RBFOX1: variants seen among roughly 807,000 people sequenced by gnomAD.
The protein encoded by RBFOX1 is RNA binding protein fox-1 homolog 1.
In RBFOX1, 8 loss-of-function variants were observed where a neutral mutation model predicts 57.7. The observed-to-expected ratio is 0.14, with a 90% CI of 0.08 to 0.25. The LOEUF (loss-of-function observed/expected upper bound fraction) is 0.25. Ranked by LOEUF, RBFOX1 falls within the 10% of genes least tolerant of loss-of-function variation. The pLI is 1.00. For missense variants in RBFOX1, 611 were observed against 548.5 expected, an observed-to-expected ratio of 1.11 and a Z score of -1.14; for synonymous variants, 326 against 222.4, an observed-to-expected ratio of 1.47 and a Z score of -4.15.
intron 4 of RBFOX1, among the ~76,000 whole-genome samples, chr16:5,992,427 G>C (rs1183376582): frequency 2.6e-5 from 4 of 152,212 alleles, no homozygotes; most frequent in Non-Finnish European, 4.4e-5. Flanking sequence ...ACTCAGTACT[G>C]TGTAGAATGA....
chr16:6,924,336 G>A (rs929595910), intron 3 of RBFOX1, among the ~76,000 whole-genome samples: 1 of 151,966 alleles, frequency 6.6e-6, no homozygotes, highest in South Asian at 2.1e-4. Flanking sequence ...ATCATGGGAG[G>A]CATGTTGGGC....
intron 3 of RBFOX1, among the ~76,000 whole-genome samples, chr16:7,042,391 T>A (rs749688214): frequency 6.6e-6 from 1 of 152,174 alleles, no homozygotes; most frequent in Non-Finnish European, 1.5e-5. Context: ...ATCCAGATGG[T>A]AATTCCCTCT....
chr16:6,479,086 C>CTG (rs141581910), intron 2 of RBFOX1, among the ~76,000 whole-genome samples: 15 of 151,448 alleles, frequency 9.9e-5, no homozygotes, highest in Non-Finnish European at 1.5e-4. Flanking sequence ...TGAGGTATGC[C>CTG]TGTGTGTGTG....
chr16:7,131,939 A>C (rs531012914), intron 4 of RBFOX1, among the ~76,000 whole-genome samples: 1 of 151,964 alleles, frequency 6.6e-6, no homozygotes. Flanking sequence ...CTCACTGGCA[A>C]GTTAGAATCA....
chr16:5,615,339 T>C (rs568031201), intron 3 of RBFOX1, among the ~76,000 whole-genome samples: 24 of 152,346 alleles, frequency 1.6e-4, no homozygotes, highest in Non-Finnish European at 2.2e-4. Context: ...CAGCTGAGTT[T>C]TTTTGACAAG....
At chr16:5,643,627 C>T (rs931597794) in intron 3 of RBFOX1, among the ~76,000 whole-genome samples, 2 of 152,152 alleles carry the variant, frequency 1.3e-5, no homozygotes, top group Non-Finnish European at 2.9e-5. Flanking sequence ...CAGAGTCTTC[C>T]TGCAGCATTT....
chr16:7,224,976 C>A (rs1200535983), intron 4 of RBFOX1, among the ~76,000 whole-genome samples: 2 of 152,150 alleles, frequency 1.3e-5, no homozygotes, highest in Non-Finnish European at 2.9e-5. Context: ...CTTTATTGAG[C>A]CTCTGCTATG....
chr16:6,613,867 G>A (rs1420094652), intron 2 of RBFOX1, among the ~76,000 whole-genome samples: 2 of 152,156 alleles, frequency 1.3e-5, no homozygotes, highest in African/African-American at 4.8e-5. Context: ...GAATCTGGGA[G>A]GCAGAGGTTG....
At chr16:6,878,052 G>GAC (rs925189547) in intron 3 of RBFOX1, among the ~76,000 whole-genome samples, 22 of 152,284 alleles carry the variant, frequency 1.4e-4, no homozygotes, top group African/African-American at 4.8e-4. Context: ...GGAGCTGAAA[G>GAC]ACACACAAGG....
intron 4 of RBFOX1, among the ~76,000 whole-genome samples, chr16:7,101,906 G>C (rs1016076524): frequency 2.6e-5 from 4 of 152,128 alleles, no homozygotes; most frequent in Non-Finnish European, 4.4e-5. Flanking sequence ...ATGGAGACCA[G>C]GTGTTTACGA....
chr16:6,689,332 G>A (rs1311838334), intron 3 of RBFOX1, among the ~76,000 whole-genome samples: 2 of 151,796 alleles, frequency 1.3e-5, no homozygotes, highest in Non-Finnish European at 2.9e-5. Flanking sequence ...ATATAAGGAA[G>A]GTATTTCTCT....
At chr16:6,511,478 C>T (rs947629409) in intron 2 of RBFOX1, among the ~76,000 whole-genome samples, 18 of 152,104 alleles carry the variant, frequency 1.2e-4, no homozygotes, top group Admixed American at 3.3e-4. Flanking sequence ...TTAAAACATG[C>T]GCTTTTAGAA....
rs191868788 is a variant in RBFOX1, at chr16:7,713,213, A to C, written c.*2468A>C. ...TGACTTCTTAACACACACATCACGC[A>C]ATCTGCAAACCCAGAAAATGTGTAT... is the stretch of plus-strand genomic sequence containing the variant. On this transcript the variant is annotated 3_prime_UTR_variant, in exon 16 of 16. Coordinates refer to ENST00000550418, the MANE Select transcript of RBFOX1 (RefSeq NM_018723.4). The C allele has an allele frequency of 2.6e-5, 4 of 152,388 alleles. No individual in the cohort carries two copies. Among genetic ancestry groups the C allele is most frequent in the African/African-American group, 7.2e-5 (3 of 41,594 alleles). 9.4% of individuals were successfully genotyped at this position (152,388 alleles called of 1,614,324 possible).
intron 4 of RBFOX1, among the ~76,000 whole-genome samples, chr16:7,081,193 C>G (rs907536089): frequency 6.6e-6 from 1 of 152,166 alleles, no homozygotes; most frequent in Non-Finnish European, 1.5e-5. Flanking sequence ...CACCACCACA[C>G]CCAGCTAATG....
chr16:6,504,613 A>T (rs116064129), intron 2 of RBFOX1, among the ~76,000 whole-genome samples: 1 of 152,202 alleles, frequency 6.6e-6, no homozygotes, highest in African/African-American at 2.4e-5. Flanking sequence ...ATGTTGGTAG[A>T]TAGATGGGCA....
intron 4 of RBFOX1, among the ~76,000 whole-genome samples, chr16:7,352,164 C>T (rs535644432): frequency 4.3e-4 from 66 of 152,298 alleles, no homozygotes; most frequent in African/African-American, 1.5e-3. Context: ...GCTCCAGATA[C>T]AGCCATGGCT....
At chr16:7,158,647 G>T (rs984573092) in intron 4 of RBFOX1, among the ~76,000 whole-genome samples, 1 of 151,800 alleles carries the variant, frequency 6.6e-6, no homozygotes, top group African/African-American at 2.4e-5. Flanking sequence ...GTTTTGTGGT[G>T]TGTCTATGGT....
At chr16:5,582,442 C>A in intron 2 of RBFOX1, among the ~76,000 whole-genome samples, 1 of 152,044 alleles carries the variant, frequency 6.6e-6, no homozygotes, top group Non-Finnish European at 1.5e-5. Flanking sequence ...GTACAGTGCC[C>A]CTGTTAACGA....
intron 4 of RBFOX1, among the ~76,000 whole-genome samples, chr16:7,434,218 T>A (rs1195636409): frequency 1.3e-5 from 2 of 151,964 alleles, no homozygotes; most frequent in African/African-American, 4.8e-5. Context: ...ACGGCTATAA[T>A]CCCCGCATTT....
Sources: allele counts gnomAD v4.1 joint callset (sites outside exome capture counted in the v4.1 genomes callset), GRCh38; gene constraint gnomAD v4.1.1; transcripts MANE v1.5; gene names NCBI Gene and HGNC (gene_info 2026-07-23, HGNC 2026-07-21).